Variants in DKK2 observed in about 807,000 individuals in gnomAD.
DKK2 encodes the protein dickkopf Wnt signaling pathway inhibitor 2.
Under a neutral mutation model 28.1 loss-of-function variants are expected in DKK2, and 11 were observed. The ratio of observed to expected loss-of-function variants is 0.39; its 90% CI spans 0.25 to 0.65. The LOEUF is 0.65. DKK2 is among the 30% of genes least tolerant of loss of function. The pLI is 0.47. For missense variants in DKK2, 326 were observed against 335.5 expected (o/e 0.97, Z 0.22); for synonymous variants, 135 against 126.5 (o/e 1.07, Z -0.45).
At chr4:106,963,048 G>A (rs899094739) in intron 1 of DKK2, among the ~76,000 whole-genome samples, 1 of 143,512 alleles carries the variant, frequency 7.0e-6, no homozygotes, top group African/African-American at 2.6e-5. Context: ...CAATATGAAC[G>A]AAACTGCGTC....
chr4:106,976,013 G>T (rs964118243), intron 1 of DKK2, among the ~76,000 whole-genome samples: 4 of 152,140 alleles, frequency 2.6e-5, no homozygotes, highest in Admixed American at 6.5e-5. Context: ...TAGTCATTCA[G>T]GAGCAGGTTG....
intron 1 of DKK2, among the ~76,000 whole-genome samples, chr4:106,958,224 G>T (rs1002211148): frequency 1.3e-5 from 2 of 151,270 alleles, no homozygotes; most frequent in South Asian, 2.1e-4. Context: ...ATAAAAAAAA[G>T]CTATCCCAAA....
Position 106,923,379 on chromosome 4 carries a change from A to AT in DKK2, c.*574dup, listed in dbSNP as rs577392391. On this transcript the variant is annotated 3_prime_UTR_variant, in exon 4 of 4. Transcript: ENST00000285311. ...TGCAATTATTTGGAAATATTGACTGATTTTTTTCTTATCTACCAAGACTCT... is the reference window on the plus strand; with the variant it reads ...TGCAATTATTTGGAAATATTGACTGATTTTTTTTCTTATCTACCAAGACTCT... The AT allele has an allele frequency of 3.9e-5, 6 of 152,178 alleles. No homozygotes were observed. Among genetic ancestry groups the AT allele is most frequent in the Non-Finnish European group, 8.8e-5 (6 of 68,062 alleles). 9.4% of individuals were successfully genotyped at this position (152,178 alleles called of 1,614,324 possible).
At chr4:107,017,255 T>C (rs1723622948) in intron 1 of DKK2, among the ~76,000 whole-genome samples, 1 of 151,986 alleles carries the variant, frequency 6.6e-6, no homozygotes. Context: ...ATATGGTTCA[T>C]TTTAGATTAA....
chr4:106,923,784 C>G lies in DKK2; in HGVS notation c.*170G>C. ...GGCTGCACTGCATTTGTCACCCATT[C>G]TAATCTATTCAGTTCATGTTTTCTT... is the stretch of plus-strand genomic sequence containing the variant. On this transcript the variant is annotated 3_prime_UTR_variant, in exon 4 of 4. Transcript: ENST00000285311. 2.3e-6 allele frequency: 2 copies of G among 888,068 alleles called. No individual in the cohort carries two copies. The highest frequency in any genetic ancestry group is 1.7e-6 in the Non-Finnish European group (1 of 600,390). The allele number at this position is 888,068 out of a possible 1,614,324, so 55.0% of individuals were successfully genotyped here. A position where few individuals can be genotyped will look rare whatever the true frequency, so the allele number is the denominator to read the frequency against.
intron 1 of DKK2, among the ~76,000 whole-genome samples, chr4:107,022,180 C>A (rs377661373): frequency 1.3e-5 from 2 of 152,024 alleles, no homozygotes; most frequent in East Asian, 3.9e-4. Flanking sequence ...GAATCAAGAA[C>A]TAGACAATTT....
Position 106,925,923 on chromosome 4 carries a change from C to T in DKK2, c.249G>A (p.Glu83=). The stretch of plus-strand genomic sequence containing the variant: ...TGTGGCAATACCTCCCAACTTCACA[C>T]TCCTTATCACTGCTACAAGGGTAGG... The part of the protein sequence containing the change: ...GQAYPCSSDK[E]CEVGRYCHSP... Residue 83 remains glutamate, a synonymous_variant, in exon 2 of 4, where the codon GAG becomes GAA. Coordinates refer to ENST00000285311, the MANE Select transcript of DKK2 (RefSeq NM_014421.3). 6.2e-7 allele frequency: 1 copy of T among 1,612,974 alleles called. No homozygotes were observed. Among genetic ancestry groups the T allele is most frequent in the Non-Finnish European group, 8.5e-7 (1 of 1,179,568 alleles).
rs72890635 is a variant in DKK2 at position 106,990,653 on chromosome 4, G to C, written c.222+44717C>G. 8.0e-3 allele frequency among the ~76,000 whole-genome samples: 1,221 copies of C among 152,214 alleles called. 19 individuals are homozygous for C. The highest frequency in any genetic ancestry group is 0.028 in the African/African-American group (1,180 of 41,532). On this transcript the variant is annotated intron_variant, in intron 1 of 3. Transcript: ENST00000285311. Reference sequence around the variant, plus strand: ...ATGATGTCATTGAACACAGACTTGTGGAAAGGTGTGCAGAATGTGCTCTCT... The same window carrying C: ...ATGATGTCATTGAACACAGACTTGTCGAAAGGTGTGCAGAATGTGCTCTCT...
intron 1 of DKK2, among the ~76,000 whole-genome samples, chr4:107,026,009 C>T (rs916845226): frequency 5.3e-5 from 8 of 152,132 alleles, no homozygotes; most frequent in Admixed American, 3.3e-4. Flanking sequence ...ATTTCTTTGT[C>T]AGAGGCATTG....
chr4:107,005,356 A>C (rs551104994), intron 1 of DKK2, among the ~76,000 whole-genome samples: 233 of 150,728 alleles, frequency 1.5e-3, no homozygotes, highest in East Asian at 3.7e-3. Context: ...AAAAAAAAAA[A>C]AAAAACAAAA....
At chr4:106,962,234 T>C (rs554117121) in intron 1 of DKK2, among the ~76,000 whole-genome samples, 1 of 152,252 alleles carries the variant, frequency 6.6e-6, no homozygotes, top group Admixed American at 6.5e-5. Flanking sequence ...TTTCAAAATA[T>C]TGTTTTCACT....
At chr4:106,971,172 C>T (rs551538942) in intron 1 of DKK2, among the ~76,000 whole-genome samples, 30 of 152,118 alleles carry the variant, frequency 2.0e-4, no homozygotes, top group Admixed American at 1.6e-3. Flanking sequence ...ATTTGGGTTA[C>T]TTTGGAGATA....
chr4:107,035,428 G>A lies in DKK2; in HGVS notation c.164C>T (p.Ala55Val). ...GAATGCCAGTCCTTGGTACATGCCC[G>A]CAGATCGATTGGCGGCCTGACCAGG... ...ETPGQAANRS[A>V]GMYQGLAFGG... Residue 55 changes from alanine to valine, a missense_variant, in exon 1 of 4, where the codon GCG becomes GTG. Coordinates refer to ENST00000285311, the MANE Select transcript of DKK2 (RefSeq NM_014421.3). The A allele has an allele frequency of 6.2e-7, 1 of 1,614,200 alleles. No individual in the cohort carries two copies. The highest frequency in any genetic ancestry group is 8.5e-7 in the Non-Finnish European group (1 of 1,180,044).
At chr4:107,007,314 T>C (rs989030691) in intron 1 of DKK2, among the ~76,000 whole-genome samples, 3 of 152,120 alleles carry the variant, frequency 2.0e-5, no homozygotes, top group Admixed American at 2.0e-4. Context: ...CATTTTAAGT[T>C]CTTTATCATT....
At chr4:106,954,644 C>A (rs995660418) in intron 1 of DKK2, among the ~76,000 whole-genome samples, 1 of 152,126 alleles carries the variant, frequency 6.6e-6, no homozygotes, top group Non-Finnish European at 1.5e-5. Context: ...GCCTCAGCCT[C>A]CAGAGTAGCT....
At chr4:106,964,131 G>GAATATTATTAATGAAAT (rs1344138574) in intron 1 of DKK2, among the ~76,000 whole-genome samples, 3 of 151,926 alleles carry the variant, frequency 2.0e-5, no homozygotes, top group East Asian at 3.9e-4. Context: ...TTGTTCACTG[G>GAATATTATTAATGAAAT]AATATTATTA....
chr4:106,952,609 T>G (rs1391142305), intron 1 of DKK2, among the ~76,000 whole-genome samples: 5 of 152,190 alleles, frequency 3.3e-5, no homozygotes, highest in Non-Finnish European at 7.4e-5. Flanking sequence ...TGATTTAAAA[T>G]GAGGGCTACT....
At chr4:106,941,391 G>T (rs1200770086) in intron 1 of DKK2, among the ~76,000 whole-genome samples, 3 of 152,142 alleles carry the variant, frequency 2.0e-5, no homozygotes, top group Non-Finnish European at 4.4e-5. Flanking sequence ...GTAAGAGAAA[G>T]AAATGGAAGT....
chr4:106,936,628 A>G (rs892758773), intron 1 of DKK2, among the ~76,000 whole-genome samples: 28 of 152,106 alleles, frequency 1.8e-4, no homozygotes, highest in Non-Finnish European at 3.8e-4. Flanking sequence ...CCACAAGGAT[A>G]CTCCTCGAGA....
Sources: gnomAD v4.1 joint callset for allele counts (sites outside exome capture counted in the v4.1 genomes callset) on GRCh38, gnomAD v4.1.1 for gene constraint, MANE v1.5 for transcripts, NCBI Gene and HGNC (gene_info 2026-07-23, HGNC 2026-07-21) for gene names.